The following SSPN variants were observed in gnomAD, a reference collection of about 807,000 sequenced individuals.
SSPN encodes the protein K-ras oncogene-associated protein.
Under a neutral mutation model 19.1 loss-of-function variants are expected in SSPN, and 15 were observed. That is an observed-to-expected ratio of 0.78 (90% CI 0.52 to 1.21). The LOEUF (loss-of-function observed/expected upper bound fraction) is 1.21. Ranked by LOEUF, SSPN falls within the 50% of genes most tolerant of loss-of-function variation. The pLI is 0.00. For missense variants in SSPN, 291 were observed against 314.0 expected (o/e 0.93, Z 0.55); for synonymous variants, 147 against 140.3 (o/e 1.05, Z -0.34).
At chr12:26,182,592 CCCT>C (rs1191797103) in intron 1 of SSPN, among the ~76,000 whole-genome samples, 13 of 35,644 alleles carry the variant, frequency 3.6e-4, no homozygotes, top group Admixed American at 2.2e-3. Flanking sequence ...CCCTTCCCTT[CCCT>C]TCCCTTCCCT....
chr12:26,123,551 G>A lies in SSPN; in HGVS notation c.-31+1399G>A, dbSNP rs557511162. 1.9e-5 allele frequency: 18 copies of A among 970,116 alleles called. No individual in the cohort carries two copies. In the African/African-American group the frequency reaches 2.9e-4, roughly 15 times the overall value. 60.1% of individuals were successfully genotyped at this position (970,116 alleles called of 1,614,324 possible). A position where few individuals can be genotyped will look rare whatever the true frequency, so the allele number is the denominator to read the frequency against. On this transcript the variant is annotated intron_variant, in intron 1 of 2. Transcript: ENST00000538142. ...AGCCCACGGAAAGAGATGGGGTGCG[G>A]GTGAGGGAGTCCTGACACTGCTCCC... is the stretch of plus-strand genomic sequence containing the variant.
At chr12:26,128,474 C>T (rs1944379390) in intron 1 of SSPN, among the ~76,000 whole-genome samples, 1 of 152,176 alleles carries the variant, frequency 6.6e-6, no homozygotes, top group African/African-American at 2.4e-5. Flanking sequence ...TTAGAAAAGG[C>T]TGATGGTGAC....
At chr12:26,156,370 C>G (rs1944556038) in intron 1 of SSPN, among the ~76,000 whole-genome samples, 1 of 152,100 alleles carries the variant, frequency 6.6e-6, no homozygotes, top group Admixed American at 6.6e-5. Context: ...TGTGAGGGAG[C>G]AGAGATGGCA....
chr12:26,223,467 C>T (rs904655301), intron 1 of SSPN, among the ~76,000 whole-genome samples: 1 of 152,266 alleles, frequency 6.6e-6, no homozygotes, highest in East Asian at 1.9e-4. Context: ...GCCTCGGCCT[C>T]CCGAAGTGTT....
chr12:26,169,724 A>G (rs1944643208), intron 1 of SSPN, among the ~76,000 whole-genome samples: 2 of 152,190 alleles, frequency 1.3e-5, no homozygotes, highest in African/African-American at 4.8e-5. Context: ...CTTCTGATCC[A>G]AGGAAAAGAA....
chr12:26,165,509 G>A (rs9804706), intron 1 of SSPN, among the ~76,000 whole-genome samples: 49,985 of 152,132 alleles, frequency 0.33, 10,088 homozygotes, highest in African/African-American at 0.57. Flanking sequence ...ATACATTGAA[G>A]AAGTATGAAA....
intron 1 of SSPN, among the ~76,000 whole-genome samples, chr12:26,137,762 T>C (rs1944436909): frequency 1.4e-5 from 2 of 147,864 alleles, no homozygotes; most frequent in East Asian, 2.1e-4. Flanking sequence ...CCTCCTCTTT[T>C]CAAGCGATTC....
At chr12:26,131,587 G>A (rs908704301) in intron 1 of SSPN, among the ~76,000 whole-genome samples, 1 of 152,218 alleles carries the variant, frequency 6.6e-6, no homozygotes, top group Non-Finnish European at 1.5e-5. Context: ...TTGTGGGAGG[G>A]CTATGCTATC....
chr12:26,153,707 T>G (rs373473807), intron 1 of SSPN, among the ~76,000 whole-genome samples: 51 of 152,360 alleles, frequency 3.3e-4, no homozygotes, highest in South Asian at 8.3e-4. Flanking sequence ...GTGGAACTTC[T>G]GGACTCTTGT....
At chr12:26,122,381 C>G in intron 1 of SSPN, 1 of 1,220,530 alleles carries the variant, frequency 8.2e-7, no homozygotes, top group South Asian at 3.3e-5. Flanking sequence ...CAGCCGCCGC[C>G]GGGTACAGAT....
intron 1 of SSPN, chr12:26,124,172 T>C (rs777305928): frequency 1.3e-6 from 2 of 1,590,264 alleles, no homozygotes; most frequent in African/African-American, 1.3e-5. Context: ...CGGTAATTTG[T>C]AGGTATCCTT....
rs1233227368 is a variant in SSPN at position 26,230,760 on chromosome 12, C to T, written c.416C>T (p.Ala139Val). ...SALGLTVCVL[A>V]VAFAAHHYSQ... is the part of the protein sequence containing the mutation. ...CTGGGCCTGACGGTCTGTGTGCTGGCCGTGGCCTTTGCCGCCCACCACTAT... is the reference window on the plus strand; with the variant it reads ...CTGGGCCTGACGGTCTGTGTGCTGGTCGTGGCCTTTGCCGCCCACCACTAT... The change falls in exon 3 of 3, where the codon GCC becomes GTC. Residue 139 changes from alanine to valine, a missense_variant. By Grantham distance (64) the Ala-to-Val change is moderately conservative. Transcript: ENST00000242729. 2 of 1,614,102 alleles carry T rather than the reference C, an allele frequency of 1.2e-6. No individual in the cohort carries two copies. Among genetic ancestry groups the T allele is most frequent in the African/African-American group, 1.3e-5 (1 of 74,946 alleles).
intron 1 of SSPN, chr12:26,180,167 A>G (rs923207711): frequency 6.6e-6 from 1 of 152,156 alleles, no homozygotes; most frequent in Non-Finnish European, 1.5e-5. Flanking sequence ...TTCATCTTCC[A>G]TCTCTACTTC....
In SSPN at chr12:26,178,214, G is replaced by A. The variant is rs544933450; in HGVS notation, c.-30-46079G>A. Among the ~76,000 whole-genome samples, 91 of 152,312 alleles carry A rather than the reference G, an allele frequency of 6.0e-4. No homozygotes were observed. The South Asian group carries it at 0.011, about 18-fold the overall frequency. On this transcript the variant is annotated intron_variant, in intron 1 of 2. Coordinates refer to the SSPN transcript ENST00000538142. ...AGCGTAGACTCTGAAGCCAGACCAC[G>A]TTGTTCAGACTTGGCTTCACCAGGT...
intron 1 of SSPN, among the ~76,000 whole-genome samples, chr12:26,177,460 A>G (rs1294956682): frequency 1.3e-5 from 2 of 152,188 alleles, no homozygotes; most frequent in African/African-American, 4.8e-5. Context: ...AGTCAGGGTC[A>G]TTCTGGGAGA....
rs546719173 is a variant in SSPN, at chr12:26,206,260, A to G, written c.279+10309A>G. Reference sequence around the variant, plus strand: ...GACCTCCTCATGTTGAAAAGGACAAAACACTTTCAAAGGAGAAGTAATATT... The same window carrying G: ...GACCTCCTCATGTTGAAAAGGACAAGACACTTTCAAAGGAGAAGTAATATT... On this transcript the variant is annotated intron_variant, in intron 1 of 2. Coordinates refer to ENST00000242729, the MANE Select transcript of SSPN (RefSeq NM_005086.5). Among the ~76,000 whole-genome samples, 13 of 152,230 alleles carry G rather than the reference A, an allele frequency of 8.5e-5. No homozygotes were observed. In the East Asian group the frequency reaches 1.5e-3, roughly 18 times the overall value.
At chr12:26,122,106 G>A in exon 1 of SSPN, 1 of 1,549,798 alleles carries the variant, frequency 6.5e-7, no homozygotes, top group Non-Finnish European at 8.7e-7. Context: ...ATCTTCCTGA[G>A]CAGAGCTCTC....
chr12:26,171,123 C>T (rs1301273171), intron 1 of SSPN, among the ~76,000 whole-genome samples: 2 of 152,140 alleles, frequency 1.3e-5, no homozygotes, highest in African/African-American at 4.8e-5. Context: ...GCTGTGGGCT[C>T]TCCTTCATGT....
At chr12:26,170,797 T>G (rs1391946358) in intron 1 of SSPN, among the ~76,000 whole-genome samples, 5 of 152,220 alleles carry the variant, frequency 3.3e-5, no homozygotes, top group Admixed American at 2.0e-4. Flanking sequence ...TAACCCTGCT[T>G]AGCAGTTGAA....
Sources: allele counts gnomAD v4.1 joint callset (sites outside exome capture counted in the v4.1 genomes callset), GRCh38; gene constraint gnomAD v4.1.1; transcripts MANE v1.5; gene names NCBI Gene and HGNC (gene_info 2026-07-23, HGNC 2026-07-21).